MRE11: variants seen among roughly 807,000 people sequenced by gnomAD.
MRE11 encodes the protein MRE11 double strand break repair nuclease.
In MRE11, 62 loss-of-function variants were observed where a neutral mutation model predicts 91.7. The observed-to-expected ratio is 0.68, with a 90% CI of 0.55 to 0.84. The LOEUF (loss-of-function observed/expected upper bound fraction) is 0.84. Ranked by LOEUF, MRE11 falls within the 40% of genes least tolerant of loss-of-function variation. The pLI, the probability that MRE11 is intolerant of heterozygous loss-of-function variation, is 0.00. For missense variants in MRE11, 796 were observed against 852.9 expected, an observed-to-expected ratio of 0.93 and a Z score of 0.83; for synonymous variants, 273 against 271.4, an observed-to-expected ratio of 1.01 and a Z score of -0.06.
chr11:94,482,922 TAA>T (rs1431526771), intron 4 of MRE11, among the ~76,000 whole-genome samples: 1 of 152,132 alleles, frequency 6.6e-6, no homozygotes, highest in Non-Finnish European at 1.5e-5. Flanking sequence ...TGGGTGACAG[TAA>T]GACTCCTTCT....
chr11:94,489,592 T>C (rs1374302309), intron 3 of MRE11, among the ~76,000 whole-genome samples: 1 of 152,064 alleles, frequency 6.6e-6, no homozygotes, highest in Admixed American at 6.6e-5. Context: ...CGTTTTGGAC[T>C]AAGTTTATTA....
intron 16 of MRE11, among the ~76,000 whole-genome samples, chr11:94,440,651 G>T (rs1945755826): frequency 6.6e-6 from 1 of 152,204 alleles, no homozygotes. Context: ...AAACCCCGAT[G>T]CATTTCCCTT....
At chr11:94,426,841 A>T (rs1945334303) in intron 19 of MRE11, among the ~76,000 whole-genome samples, 1 of 152,178 alleles carries the variant, frequency 6.6e-6, no homozygotes, top group Non-Finnish European at 1.5e-5. Context: ...CAACCTCCCA[A>T]GATTGAACCA....
At chr11:94,450,172 A>C (rs1160497779) in intron 14 of MRE11, among the ~76,000 whole-genome samples, 1 of 152,338 alleles carries the variant, frequency 6.6e-6, no homozygotes, top group African/African-American at 2.4e-5. Context: ...GTATCTTTAA[A>C]CAGAAACACA....
chr11:94,478,028 A>T lies in MRE11; in HGVS notation c.544+707T>A, dbSNP rs185490306. ...TATAAAAAGAGTTCTAGAGTTTATA[A>T]TGAAGAGCTGGGGGACAGGGAGGGG... On this transcript the variant is annotated intron_variant, in intron 6 of 19. Coordinates refer to ENST00000323929, the MANE Select transcript of MRE11 (RefSeq NM_005591.4). Among the ~76,000 whole-genome samples the T allele has an allele frequency of 9.8e-5, 15 of 152,286 alleles. No individual in the cohort carries two copies. The East Asian group carries it at 1.7e-3, about 18-fold the overall frequency.
At chr11:94,497,788 T>C (rs1947436734), upstream of MRE11, 1 of 330,724 alleles carries the variant, frequency 3.0e-6, no homozygotes, top group Non-Finnish European at 5.5e-6. Flanking sequence ...CTGAAGCTTT[T>C]ATGCAATAAA....
rs189414763 is a variant in MRE11 at position 94,454,899 on chromosome 11, T to C, written c.1563+1377A>G. ...AATCATTTCTTCCTAGCATTATTCT[T>C]GCAATTTGGCAAACTATTTCTATTT... On this transcript the variant is annotated intron_variant, in intron 14 of 19. Transcript: ENST00000323929. Among the ~76,000 whole-genome samples, 123 of 152,352 alleles carry C rather than the reference T, an allele frequency of 8.1e-4. 1 individual carries two copies. The highest frequency in any genetic ancestry group is 1.1e-3 in the Non-Finnish European group (76 of 68,028).
chr11:94,468,198 G>A (rs1946617760), intron 9 of MRE11, among the ~76,000 whole-genome samples: 1 of 152,090 alleles, frequency 6.6e-6, no homozygotes, highest in Admixed American at 6.6e-5. Flanking sequence ...TTAAAACCAA[G>A]TAAGTCTAGT....
At chr11:94,479,649 C>A (rs1254134549) in intron 5 of MRE11, 25 bp downstream of exon 5, 1 of 1,596,296 alleles carries the variant, frequency 6.3e-7, no homozygotes, top group East Asian at 2.2e-5. Flanking sequence ...AAAATTCCAA[C>A]AAACTCTAAG....
chr11:94,457,088 A>G (rs1281518327), intron 13 of MRE11, among the ~76,000 whole-genome samples: 1 of 152,250 alleles, frequency 6.6e-6, no homozygotes, highest in African/African-American at 2.4e-5. Flanking sequence ...TAAGACTCCA[A>G]TGTAAGAGGC....
At chr11:94,487,410 C>T (rs965189587) in intron 3 of MRE11, among the ~76,000 whole-genome samples, 1 of 152,150 alleles carries the variant, frequency 6.6e-6, no homozygotes, top group African/African-American at 2.4e-5. Context: ...TGAGGAAATA[C>T]CACTTATAGC....
rs1947135192 is a variant in MRE11, at chr11:94,486,040, C to T, written c.198G>A (p.Lys66=). The T allele has an allele frequency of 6.2e-7, 1 of 1,613,600 alleles. No individual in the cohort carries two copies. The highest frequency in any genetic ancestry group is 1.1e-5 in the South Asian group (1 of 91,062). The change falls in exon 4 of 20, where the codon AAG becomes AAA. Residue 66 remains lysine, a synonymous_variant. Coordinates refer to ENST00000323929, the MANE Select transcript of MRE11 (RefSeq NM_005591.4). The part of the protein sequence containing the change: ...LLGGDLFHEN[K]PSRKTLHTCL... Reference sequence around the variant, plus strand: ...AGGTATGTAATGTTTTCCTTGAGGGCTTATTTTCATGAAAAAGATCACCAC... The same window carrying T: ...AGGTATGTAATGTTTTCCTTGAGGGTTTATTTTCATGAAAAAGATCACCAC...
chr11:94,422,635 A>G (rs1945203357), intron 19 of MRE11, among the ~76,000 whole-genome samples: 1 of 152,180 alleles, frequency 6.6e-6, no homozygotes, highest in Non-Finnish European at 1.5e-5. Context: ...TATCTGAGGT[A>G]TTACACTGAT....
intron 7 of MRE11, chr11:94,473,619 T>C (rs1289956489): frequency 6.6e-6 from 1 of 152,012 alleles, no homozygotes; most frequent in Non-Finnish European, 1.5e-5. Context: ...GACAAATGAA[T>C]CTAACAGCAT....
At chr11:94,436,419 C>T (rs1945616043) in intron 17 of MRE11, among the ~76,000 whole-genome samples, 1 of 152,216 alleles carries the variant, frequency 6.6e-6, no homozygotes, top group African/African-American at 2.4e-5. Context: ...ACATTTGATA[C>T]ATACATTTGC....
chr11:94,457,365 A>G (rs1946280382), intron 13 of MRE11, among the ~76,000 whole-genome samples: 1 of 152,222 alleles, frequency 6.6e-6, no homozygotes, highest in South Asian at 2.1e-4. Context: ...GTCAGCAAAT[A>G]CAGAAAACTC....
intron 4 of MRE11, among the ~76,000 whole-genome samples, chr11:94,484,961 C>T (rs546339964): frequency 1.3e-5 from 2 of 152,284 alleles, no homozygotes; most frequent in African/African-American, 4.8e-5. Flanking sequence ...TCTATAATCC[C>T]AGCACTTTGG....
chr11:94,471,015 G>A (rs1946694214), intron 8 of MRE11, among the ~76,000 whole-genome samples: 1 of 151,626 alleles, frequency 6.6e-6, no homozygotes, highest in Admixed American at 6.6e-5. Flanking sequence ...ATTTTGCAGT[G>A]GACTCATGAA....
At position 94,447,244 on chromosome 11, in the gene MRE11, C is replaced by T. The variant is rs766372720; in HGVS notation, c.1758G>A (p.Ser586=). 2.5e-5 allele frequency: 41 copies of T among 1,613,466 alleles called. No individual in the cohort carries two copies. The East Asian group carries it at 3.6e-4, about 14-fold the overall frequency. ...CTCTTCCTCTTTGAGACCCTCCTCTCGATGCTGAATTCTGCCCTCTTCCAC... is the reference window on the plus strand; with the variant it reads ...CTCTTCCTCTTTGAGACCCTCCTCTTGATGCTGAATTCTGCCCTCTTCCAC... ...RRGGRGQNSA[S]RGGSQRGRAD... Residue 586 remains serine (S), a synonymous_variant, in exon 15 of 20, where the codon TCG becomes TCA. Transcript: ENST00000323929.
Sources: allele counts gnomAD v4.1 joint callset (sites outside exome capture counted in the v4.1 genomes callset), GRCh38; gene constraint gnomAD v4.1.1; transcripts MANE v1.5; gene names NCBI Gene and HGNC (gene_info 2026-07-23, HGNC 2026-07-21).